The following REDIC1 variants were observed in gnomAD, a reference collection of about 807,000 sequenced individuals.
REDIC1 encodes the protein HEI10 Interacting Protein 1.
At chr12:39,626,225 C>A in the REDIC1 span, 4 of 1,169,018 alleles carry the variant, frequency 3.4e-6, no homozygotes, top group South Asian at 2.7e-5. Flanking sequence ...CTTACTCGGG[C>A]CCTGACGTTG....
the REDIC1 span, among the ~76,000 whole-genome samples, chr12:39,671,795 C>A: frequency 6.6e-6 from 1 of 151,982 alleles, no homozygotes; most frequent in Non-Finnish European, 1.5e-5. Flanking sequence ...TGTGCAGATG[C>A]CAGCTGTGGT....
the REDIC1 span, among the ~76,000 whole-genome samples, chr12:39,667,422 G>A: frequency 6.6e-6 from 1 of 152,184 alleles, no homozygotes; most frequent in Non-Finnish European, 1.5e-5. Context: ...TTGCACTGTG[G>A]TCTGAGAGAC....
At chr12:39,713,546 A>G in the REDIC1 span, among the ~76,000 whole-genome samples, 4 of 150,338 alleles carry the variant, frequency 2.7e-5, no homozygotes, top group East Asian at 1.9e-4. Flanking sequence ...ACATACGTAT[A>G]CATGCGTGCA....
At chr12:39,747,035 G>C in the REDIC1 span, among the ~76,000 whole-genome samples, 2 of 152,200 alleles carry the variant, frequency 1.3e-5, no homozygotes, top group Admixed American at 6.5e-5. Flanking sequence ...CCCTCCAAAG[G>C]AATGCAGCTC....
At chr12:39,640,241 A>T in the REDIC1 span, among the ~76,000 whole-genome samples, 1 of 151,820 alleles carries the variant, frequency 6.6e-6, no homozygotes, top group East Asian at 1.9e-4. Flanking sequence ...GAGGCTACGT[A>T]GAGTCAGCTC....
chr12:39,867,099 T>C, the REDIC1 span, among the ~76,000 whole-genome samples: 2 of 152,194 alleles, frequency 1.3e-5, no homozygotes, highest in Non-Finnish European at 2.9e-5. Context: ...ATGAAGATCA[T>C]ACCTCTCTCC....
the REDIC1 span, among the ~76,000 whole-genome samples, chr12:39,785,781 G>A: frequency 2.0e-5 from 3 of 152,206 alleles, no homozygotes; most frequent in Non-Finnish European, 4.4e-5. Context: ...TGACCTGGAT[G>A]TGAGACCTGG....
At chr12:39,873,170 C>A in the REDIC1 span, among the ~76,000 whole-genome samples, 1 of 152,024 alleles carries the variant, frequency 6.6e-6, no homozygotes, top group South Asian at 2.1e-4. Context: ...ATAAACCAAA[C>A]CTATAAATTA....
At chr12:39,705,093 TAAA>T in the REDIC1 span, among the ~76,000 whole-genome samples, 1 of 149,326 alleles carries the variant, frequency 6.7e-6, no homozygotes, top group East Asian at 1.9e-4. Context: ...AAAATTAAAT[TAAA>T]AAAATAAATA....
the REDIC1 span, among the ~76,000 whole-genome samples, chr12:39,656,758 C>T: frequency 6.6e-6 from 1 of 151,780 alleles, no homozygotes. Context: ...CCTGTGTGGA[C>T]CTAGGCTAAT....
the REDIC1 span, among the ~76,000 whole-genome samples, chr12:39,689,806 A>C: frequency 1.3e-5 from 2 of 152,210 alleles, no homozygotes; most frequent in Non-Finnish European, 2.9e-5. Flanking sequence ...AATATGAATA[A>C]TATAGATGTA....
At chr12:39,896,352 GTA>G in the REDIC1 span, among the ~76,000 whole-genome samples, 7,341 of 89,016 alleles carry the variant, frequency 0.082, 44 homozygotes, top group East Asian at 0.21. Context: ...ATATATGTAT[GTA>G]TATGTGTATA....
the REDIC1 span, among the ~76,000 whole-genome samples, chr12:39,725,023 T>G: frequency 6.6e-6 from 1 of 151,930 alleles, no homozygotes; most frequent in African/African-American, 2.4e-5. Context: ...ACCAGCAATT[T>G]CCAAGTGGGA....
the REDIC1 span, among the ~76,000 whole-genome samples, chr12:39,787,489 A>T: frequency 6.6e-5 from 10 of 152,116 alleles, no homozygotes; most frequent in African/African-American, 2.4e-4. Flanking sequence ...CTAGGAGATT[A>T]TTTTTTTCCT....
the REDIC1 span, among the ~76,000 whole-genome samples, chr12:39,843,057 A>T: frequency 3.9e-5 from 6 of 151,974 alleles, no homozygotes; most frequent in South Asian, 2.1e-4. Context: ...GCTGTTTTAT[A>T]AAAAAAACTG....
chr12:39,765,904 T>C, the REDIC1 span, among the ~76,000 whole-genome samples: 2 of 152,054 alleles, frequency 1.3e-5, no homozygotes, highest in Non-Finnish European at 2.9e-5. Context: ...CAGGCCCTAG[T>C]GTGCATTGTT....
the REDIC1 span, among the ~76,000 whole-genome samples, chr12:39,842,372 G>A: frequency 6.6e-6 from 1 of 152,126 alleles, no homozygotes; most frequent in East Asian, 1.9e-4. Context: ...CTCTAATAAA[G>A]GTTCTCTGAC....
the REDIC1 span, among the ~76,000 whole-genome samples, chr12:39,671,156 T>C: frequency 6.6e-6 from 1 of 152,238 alleles, no homozygotes; most frequent in African/African-American, 2.4e-5. Flanking sequence ...GTGTAATAGT[T>C]TCTTCTTCTG....
At chr12:39,697,544 ATATCAGCTTTTC>A in the REDIC1 span, among the ~76,000 whole-genome samples, 1 of 152,236 alleles carries the variant, frequency 6.6e-6, no homozygotes, top group East Asian at 1.9e-4. Context: ...AATAATAACT[ATATCAGCTTTTC>A]AAGCCATAGA....
Sources: allele counts gnomAD v4.1 joint callset (sites outside exome capture counted in the v4.1 genomes callset), GRCh38; gene constraint gnomAD v4.1.1; transcripts MANE v1.5; gene names NCBI Gene and HGNC (gene_info 2026-07-23, HGNC 2026-07-21).